Variants in TLL1 observed in about 807,000 individuals in gnomAD.
TLL1 encodes the protein tolloid-like protein 1.
A neutral mutation model predicts 128.2 loss-of-function variants in TLL1; 49 were observed. The ratio of observed to expected loss-of-function variants is 0.38; its 90% confidence interval spans 0.30 to 0.48. TLL1 has a LOEUF of 0.48. Ranked by LOEUF, TLL1 falls within the 20% of genes least tolerant of loss-of-function variation. The pLI, the probability that TLL1 is intolerant of heterozygous loss-of-function variation, is 0.96. For synonymous variants in TLL1, 454 were observed against 418.8 expected (o/e 1.08, Z -1.03); for missense variants, 1,123 against 1,242.0 (o/e 0.90, Z 1.44).
rs557160464 is a variant in TLL1, at chr4:165,902,230, G to GC, written c.169+28162dup. ...TAGACCACTTGGGTCCCTGGCTTCA[G>GC]CCCCCTTTCCAGGGGAGTGAACAGT... On this transcript the variant is annotated intron_variant, in intron 1 of 20. Coordinates refer to ENST00000061240, the MANE Select transcript of TLL1 (RefSeq NM_012464.5). Among the ~76,000 whole-genome samples, 22 of 152,040 alleles carry GC rather than the reference G, an allele frequency of 1.4e-4. 1 individual carries two copies. The East Asian group carries it at 4.3e-3, about 30-fold the overall frequency.
chr4:165,944,745 A>G (rs898224529), intron 1 of TLL1, among the ~76,000 whole-genome samples: 1 of 152,062 alleles, frequency 6.6e-6, no homozygotes, highest in Admixed American at 6.6e-5. Flanking sequence ...AGTGGAAAAA[A>G]ATAAGATTGA....
At position 166,022,169 on chromosome 4, in the gene TLL1, C is replaced by CT. The variant is rs200372458; in HGVS notation, c.1043-3135dup. ...TTCTTTGCCCTAAAGATTCCTTTTC[C>CT]TTTTTTTTTTTTCGAGATGGAGTAC... On this transcript the variant is annotated intron_variant, in intron 8 of 20. Coordinates refer to ENST00000061240, the MANE Select transcript of TLL1 (RefSeq NM_012464.5). 5.2e-3 allele frequency among the ~76,000 whole-genome samples: 735 copies of CT among 142,238 alleles called. 4 individuals are homozygous for CT. The highest frequency in any genetic ancestry group is 0.023 in the South Asian group (102 of 4,450). 93.3% of individuals were successfully genotyped at this position (142,238 alleles called of 152,430 possible).
chr4:166,019,778 C>T (rs1262973059), intron 8 of TLL1, among the ~76,000 whole-genome samples: 1 of 151,862 alleles, frequency 6.6e-6, no homozygotes, highest in Admixed American at 6.6e-5. Context: ...TTTTAATTTT[C>T]CTTAAAATCA....
intron 1 of TLL1, among the ~76,000 whole-genome samples, chr4:165,928,726 C>T (rs12646893): frequency 6.6e-6 from 1 of 152,072 alleles, no homozygotes; most frequent in East Asian, 1.9e-4. Flanking sequence ...GCTGTTCACT[C>T]CTCTAGAGTG....
chr4:166,027,330 A>C (rs892224616), intron 9 of TLL1, among the ~76,000 whole-genome samples: 1 of 152,130 alleles, frequency 6.6e-6, no homozygotes, highest in African/African-American at 2.4e-5. Flanking sequence ...GGAAGAACTT[A>C]AGTACTCTCA....
chr4:165,943,691 C>T (rs76762613), intron 1 of TLL1, among the ~76,000 whole-genome samples: 2,523 of 152,070 alleles, frequency 0.017, 72 homozygotes, highest in African/African-American at 0.056. Flanking sequence ...TTATTACTGA[C>T]CTCATCACTT....
At chr4:166,015,849 G>T (rs1359765687) in intron 8 of TLL1, among the ~76,000 whole-genome samples, 1 of 145,226 alleles carries the variant, frequency 6.9e-6, no homozygotes, top group East Asian at 2.1e-4. Context: ...AAAATTGTAA[G>T]AAATTATGTT....
intron 1 of TLL1, among the ~76,000 whole-genome samples, chr4:165,901,550 T>G (rs1731988448): frequency 6.6e-6 from 1 of 152,184 alleles, no homozygotes; most frequent in South Asian, 2.1e-4. Flanking sequence ...CCAGACCCTG[T>G]TTGCCTGAGT....
intron 9 of TLL1, among the ~76,000 whole-genome samples, chr4:166,039,032 TTC>T (rs1482420591): frequency 6.6e-6 from 1 of 152,198 alleles, no homozygotes; most frequent in African/African-American, 2.4e-5. Flanking sequence ...GAATAAAAAT[TTC>T]TGTTTGCTTT....
At chr4:165,982,680 C>CTTGTGT (rs1287098428) in intron 1 of TLL1, among the ~76,000 whole-genome samples, 1 of 146,642 alleles carries the variant, frequency 6.8e-6, no homozygotes, top group Non-Finnish European at 1.5e-5. Context: ...AAAAAAGATT[C>CTTGTGT]TTGTGTTTGT....
At chr4:165,934,280 G>A (rs966212857) in intron 1 of TLL1, among the ~76,000 whole-genome samples, 3 of 150,860 alleles carry the variant, frequency 2.0e-5, no homozygotes, top group Non-Finnish European at 2.9e-5. Flanking sequence ...CTCCCAAAGT[G>A]CTGGGATTAC....
intron 1 of TLL1, among the ~76,000 whole-genome samples, chr4:165,933,761 T>A (rs1733639806): frequency 6.6e-6 from 1 of 151,994 alleles, no homozygotes; most frequent in South Asian, 2.1e-4. Context: ...CACAGACACT[T>A]CCCTCCCAGA....
Position 166,102,612 on chromosome 4 carries a change from G to T in TLL1, c.*1736G>T, listed in dbSNP as rs374681985. ...TACTGTATGAAGTAGCTTTGTGTCTGTTACCTGTCCATGAGCATACAACAT... is the reference window on the plus strand; with the variant it reads ...TACTGTATGAAGTAGCTTTGTGTCTTTTACCTGTCCATGAGCATACAACAT... On this transcript the variant is annotated 3_prime_UTR_variant, in exon 21 of 21. Transcript: ENST00000061240. The T allele has an allele frequency of 7.9e-5, 12 of 152,054 alleles. No individual in the cohort carries two copies. In the East Asian group the frequency reaches 1.6e-3, roughly 20 times the overall value. The allele number at this position is 152,054 out of a possible 1,614,324, so 9.4% of individuals were successfully genotyped here.
chr4:165,999,366 C>A (rs1173275101), intron 5 of TLL1, among the ~76,000 whole-genome samples: 1 of 152,156 alleles, frequency 6.6e-6, no homozygotes, highest in South Asian at 2.1e-4. Flanking sequence ...AGGAAACTTA[C>A]AATCATGGTA....
chr4:165,999,664 A>G (rs1366688947), intron 5 of TLL1, among the ~76,000 whole-genome samples: 1 of 151,030 alleles, frequency 6.6e-6, no homozygotes, highest in Admixed American at 6.6e-5. Flanking sequence ...TGTAAAAATG[A>G]GGTTTCACCA....
At chr4:166,064,135 C>T (rs1389304642) in intron 15 of TLL1, among the ~76,000 whole-genome samples, 1 of 151,934 alleles carries the variant, frequency 6.6e-6, no homozygotes, top group Admixed American at 6.6e-5. Flanking sequence ...ATCATTTTAA[C>T]ATACTTTACA....
intron 1 of TLL1, among the ~76,000 whole-genome samples, chr4:165,890,915 C>G (rs1183069998): frequency 6.6e-6 from 1 of 152,156 alleles, no homozygotes; most frequent in East Asian, 1.9e-4. Flanking sequence ...GGGCTCTGCC[C>G]CTGCAGCACA....
intron 6 of TLL1, among the ~76,000 whole-genome samples, chr4:166,003,890 T>C (rs1737281846): frequency 6.6e-6 from 1 of 152,174 alleles, no homozygotes; most frequent in South Asian, 2.1e-4. Context: ...TCTTTTTTAC[T>C]GAAGCATTTT....
chr4:166,009,772 C>G (rs936728903), intron 7 of TLL1, among the ~76,000 whole-genome samples: 2 of 151,182 alleles, frequency 1.3e-5, no homozygotes, highest in African/African-American at 4.8e-5. Context: ...TGACATAGGT[C>G]TCATTCTGCT....
Sources: allele counts gnomAD v4.1 joint callset (sites outside exome capture counted in the v4.1 genomes callset), GRCh38; gene constraint gnomAD v4.1.1; transcripts MANE v1.5; gene names NCBI Gene and HGNC (gene_info 2026-07-23, HGNC 2026-07-21).